The following MYCBP2 variants were observed in gnomAD, a reference collection of about 807,000 sequenced individuals.
MYCBP2 encodes the protein MYC binding protein 2, also known as E3 ubiquitin-protein ligase MYCBP2.
Under a neutral mutation model 525.3 loss-of-function variants are expected in MYCBP2, and 120 were observed. That is an observed-to-expected ratio of 0.23 (90% confidence interval 0.20 to 0.27). The LOEUF (loss-of-function observed/expected upper bound fraction) is 0.27. Ranked by LOEUF, MYCBP2 falls within the 10% of genes least tolerant of loss-of-function variation. MYCBP2 has a pLI of 1.00. For synonymous variants in MYCBP2, 1,894 were observed against 1,955.8 expected (o/e 0.97, Z 0.83); for missense variants, 4,149 against 5,657.1 (o/e 0.73, Z 8.55).
chr13:77,291,497 G>A (rs896058534), intron 2 of MYCBP2, among the ~76,000 whole-genome samples: 4 of 152,212 alleles, frequency 2.6e-5, no homozygotes, highest in East Asian at 1.9e-4. Flanking sequence ...CAGGCCGGGT[G>A]CAGTGACTCA....
intron 21 of MYCBP2, among the ~76,000 whole-genome samples, chr13:77,216,949 C>T (rs2064905758): frequency 1.3e-5 from 2 of 152,134 alleles, no homozygotes; most frequent in East Asian, 1.9e-4. Flanking sequence ...TACGTACACA[C>T]ACACATTTGT....
At chr13:77,199,726 C>A (rs2062233236) in intron 26 of MYCBP2, among the ~76,000 whole-genome samples, 1 of 152,202 alleles carries the variant, frequency 6.6e-6, no homozygotes, top group Non-Finnish European at 1.5e-5. Context: ...TCAAGTGGGT[C>A]CCTGACCCCT....
In MYCBP2 at chr13:77,050,858, A is replaced by G. The variant is rs1270337720; in HGVS notation, c.13921+139T>C. On this transcript the variant is annotated intron_variant, in intron 82 of 82. Coordinates refer to ENST00000544440, the MANE Select transcript of MYCBP2 (RefSeq NM_015057.5). Reference sequence around the variant, plus strand: ...TCACCCAGAAAGTCATAAGCTTACAAGGATCAAGGAATTCCTCCTGCTTCT... The same window carrying G: ...TCACCCAGAAAGTCATAAGCTTACAGGGATCAAGGAATTCCTCCTGCTTCT... 22 of 710,210 alleles carry G rather than the reference A, an allele frequency of 3.1e-5. No homozygotes were observed. In the East Asian group the frequency reaches 5.8e-4, roughly 19 times the overall value. The allele number at this position is 710,210 out of a possible 1,614,324, so 44.0% of individuals were successfully genotyped here.
chr13:77,265,685 A>C (rs1418880976), intron 8 of MYCBP2, among the ~76,000 whole-genome samples: 1 of 152,188 alleles, frequency 6.6e-6, no homozygotes, highest in Non-Finnish European at 1.5e-5. Flanking sequence ...GGAAGGCTAC[A>C]GAGCAGAGCT....
intron 3 of MYCBP2, among the ~76,000 whole-genome samples, chr13:77,287,875 A>C (rs2077051016): frequency 6.6e-6 from 1 of 151,774 alleles, no homozygotes; most frequent in Non-Finnish European, 1.5e-5. Context: ...TTTCCACCCT[A>C]CTGCTTTTGT....
chr13:77,299,261 A>G (rs2078517527), intron 1 of MYCBP2, among the ~76,000 whole-genome samples: 1 of 152,200 alleles, frequency 6.6e-6, no homozygotes, highest in South Asian at 2.1e-4. Context: ...GTTTTATCTA[A>G]TGGAACTTCT....
chr13:77,229,463 T>C (rs760492245), intron 18 of MYCBP2, among the ~76,000 whole-genome samples: 5 of 152,158 alleles, frequency 3.3e-5, no homozygotes, highest in Non-Finnish European at 5.9e-5. Context: ...CACCAAATGG[T>C]TGAAACCTTA....
chr13:77,125,873 T>C (rs2051567410), intron 53 of MYCBP2, among the ~76,000 whole-genome samples: 1 of 152,160 alleles, frequency 6.6e-6, no homozygotes, highest in Admixed American at 6.6e-5. Context: ...CACTACATCT[T>C]CAAGCTTATC....
intron 4 of MYCBP2, 99 bp from the exon 5 acceptor site, chr13:77,273,767 T>A: frequency 1.1e-6 from 1 of 918,932 alleles, no homozygotes; most frequent in Non-Finnish European, 1.5e-6. Flanking sequence ...AAACGAAATT[T>A]AAGGAATCTA....
At chr13:77,052,283 C>G (rs1026707412) in intron 80 of MYCBP2, among the ~76,000 whole-genome samples, 1 of 152,272 alleles carries the variant, frequency 6.6e-6, no homozygotes. Flanking sequence ...CCGACAGCCT[C>G]AACCTCTTGG....
Position 77,191,703 on chromosome 13 carries a change from T to C in MYCBP2, c.4046A>G (p.Gln1349Arg). ...GPSSDCGSHG[Q>R]ASITTDDGVV... The stretch of plus-strand genomic sequence containing the variant: ...CCCATCATCTGTGGTAATAGATGCC[T>C]GTCCATGAGATCCACAGTCACTGCT... The change falls in exon 28 of 83, where the codon CAG becomes CGG. Residue 1349 changes from glutamine (Q) to arginine (R), a missense_variant. Around this residue, in one of 21 missense-constraint regions of MYCBP2, gnomAD observed 620 missense variants for 795.5 expected, o/e 0.78. Transcript: ENST00000544440. 1 of 1,614,048 alleles carries C rather than the reference T, an allele frequency of 6.2e-7. No individual in the cohort carries two copies. The highest frequency in any genetic ancestry group is 8.5e-7 in the Non-Finnish European group (1 of 1,179,964).
chr13:77,203,770 A>G (rs1408469056), intron 26 of MYCBP2, among the ~76,000 whole-genome samples: 1 of 152,114 alleles, frequency 6.6e-6, no homozygotes, highest in African/African-American at 2.4e-5. Context: ...ATCTTTGACA[A>G]ACCTGAGAAA....
chr13:77,108,259 A>G (rs1163437148), intron 55 of MYCBP2, among the ~76,000 whole-genome samples: 1 of 152,208 alleles, frequency 6.6e-6, no homozygotes, highest in African/African-American at 2.4e-5. Flanking sequence ...ACATACTCAT[A>G]GCATATTATT....
Position 77,067,594 on chromosome 13 carries a change from T to C in MYCBP2, c.12442A>G (p.Ile4148Val), listed in dbSNP as rs1423608543. Reference sequence around the variant, plus strand: ...GCAATAACTAACCTGGAATTGAAAATCATCGGAAGAGTAACTGTTGTAACT... The same window carrying C: ...GCAATAACTAACCTGGAATTGAAAACCATCGGAAGAGTAACTGTTGTAACT... ...KGVTTVTLPM[I>V]FNSSYLRRGE... The change falls in exon 71 of 83, where the codon ATT becomes GTT. Residue 4148 changes from isoleucine (I) to valine (V), a missense_variant. Physicochemically the swap from Ile to Val is conservative, Grantham distance 29 (BLOSUM62 3). Transcript: ENST00000544440. The C allele has an allele frequency of 3.1e-6, 5 of 1,613,812 alleles. No homozygotes were observed. Among genetic ancestry groups the C allele is most frequent in the Non-Finnish European group, 4.2e-6 (5 of 1,179,838 alleles).
chr13:77,175,731 G>A (rs892811421), intron 36 of MYCBP2, among the ~76,000 whole-genome samples: 1 of 152,048 alleles, frequency 6.6e-6, no homozygotes, highest in East Asian at 1.9e-4. Context: ...GAGGCCAAGC[G>A]GAGTGGATCA....
At chr13:77,065,483 G>A (rs1467560633) in intron 72 of MYCBP2, among the ~76,000 whole-genome samples, 1 of 152,100 alleles carries the variant, frequency 6.6e-6, no homozygotes, top group Non-Finnish European at 1.5e-5. Flanking sequence ...TACAATGTGT[G>A]GAAAATGACA....
At chr13:77,173,251 C>G (rs2059311354) in intron 37 of MYCBP2, among the ~76,000 whole-genome samples, 1 of 152,148 alleles carries the variant, frequency 6.6e-6, no homozygotes, top group African/African-American at 2.4e-5. Context: ...ACTCAAAACA[C>G]TGTATTTTGT....
chr13:77,130,784 TTTTTTTAGCGTATTCTA>T (rs1378727750), intron 52 of MYCBP2, among the ~76,000 whole-genome samples: 1 of 151,632 alleles, frequency 6.6e-6, no homozygotes, highest in Non-Finnish European at 1.5e-5. Flanking sequence ...CAATATCACT[TTTTTTTAGCGTATTCTA>T]TTTTTTAGCA....
chr13:77,101,731 T>C (rs2047094343), intron 55 of MYCBP2, among the ~76,000 whole-genome samples: 1 of 152,024 alleles, frequency 6.6e-6, no homozygotes, highest in Admixed American at 6.6e-5. Flanking sequence ...TTTTGAAAAA[T>C]TTATTTTTCC....
Sources: allele counts gnomAD v4.1 joint callset (sites outside exome capture counted in the v4.1 genomes callset), GRCh38; gene constraint gnomAD v4.1.1; regional missense constraint gnomAD v4.1.1; transcripts MANE v1.5; gene names NCBI Gene and HGNC (gene_info 2026-07-23, HGNC 2026-07-21).